Variants in SETD3 observed in about 807,000 individuals in gnomAD.
SETD3 encodes actin-histidine N-methyltransferase.
A neutral mutation model predicts 63.0 loss-of-function variants in SETD3; 19 were observed. The observed-to-expected ratio is 0.30, with a 90% CI of 0.21 to 0.44. SETD3 has a LOEUF of 0.44. Ranked by LOEUF, SETD3 falls within the 20% of genes least tolerant of loss-of-function variation. The probability of loss-of-function intolerance (pLI) is 1.00; values close to 1 mark genes in which losing one functional copy is unlikely to be tolerated. For synonymous variants in SETD3, 286 were observed against 264.1 expected (o/e 1.08, Z -0.80); for missense variants, 587 against 728.5 (o/e 0.81, Z 2.24).
upstream of SETD3, chr14:99,481,367 C>T: frequency 2.5e-6 from 1 of 398,670 alleles, no homozygotes; most frequent in East Asian, 3.6e-5. Flanking sequence ...CCTCCGGTCG[C>T]TTGGTGGCGT....
chr14:99,479,732 G>A (rs1424686795), intron 1 of SETD3, among the ~76,000 whole-genome samples: 5 of 152,178 alleles, frequency 3.3e-5, no homozygotes, highest in Admixed American at 1.3e-4. Flanking sequence ...ACTCTTCGAG[G>A]ATTCTTAAAA....
rs975794259 is a variant in SETD3 at position 99,399,059 on chromosome 14, A to G, written c.1405T>C (p.Leu469=). 8 of 1,614,022 alleles carry G rather than the reference A, an allele frequency of 5.0e-6. No individual in the cohort carries two copies. The African/African-American group carries it at 9.3e-5, about 19-fold the overall frequency. The change falls in exon 13 of 13, where the codon TTA becomes CTA. Residue 469 remains leucine (L), a synonymous_variant. Coordinates refer to ENST00000331768, the MANE Select transcript of SETD3 (RefSeq NM_032233.3). The part of the protein sequence containing the change: ...VRAKMAIKLR[L]GEKEILEKAV... ...TTTTCCAAAATCTCTTTCTCACCTA[A>G]GCGCAATTTGATGGCCATTTTTGCA... is the stretch of plus-strand genomic sequence containing the variant.
At chr14:99,448,257 A>C (rs1894247710) in intron 6 of SETD3, among the ~76,000 whole-genome samples, 1 of 152,150 alleles carries the variant, frequency 6.6e-6, no homozygotes, top group African/African-American at 2.4e-5. Flanking sequence ...TCAAAGCCTG[A>C]GAAGAGAGCC....
intron 6 of SETD3, among the ~76,000 whole-genome samples, chr14:99,443,312 T>C (rs1421192343): frequency 7.1e-6 from 1 of 141,270 alleles, no homozygotes; most frequent in Non-Finnish European, 1.5e-5. Context: ...CCAGCTGGAG[T>C]GCAGTGGCAC....
chr14:99,426,574 G>A (rs1052010071), intron 6 of SETD3, among the ~76,000 whole-genome samples: 2 of 152,166 alleles, frequency 1.3e-5, no homozygotes, highest in Admixed American at 6.5e-5. Flanking sequence ...GCTGGACCTG[G>A]CAAACAGAAG....
At chr14:99,425,272 A>G (rs1892820035) in intron 6 of SETD3, among the ~76,000 whole-genome samples, 1 of 152,216 alleles carries the variant, frequency 6.6e-6, no homozygotes, top group Non-Finnish European at 1.5e-5. Context: ...CAGAGGTTCA[A>G]GGAGGAACTC....
chr14:99,408,489 T>G (rs1257370253), intron 8 of SETD3, among the ~76,000 whole-genome samples: 1 of 151,848 alleles, frequency 6.6e-6, no homozygotes, highest in Admixed American at 6.6e-5. Flanking sequence ...ACTCCCAGGG[T>G]GCTGGCAGTA....
At chr14:99,447,470 T>A (rs1428034784) in intron 6 of SETD3, among the ~76,000 whole-genome samples, 1 of 152,244 alleles carries the variant, frequency 6.6e-6, no homozygotes, top group Non-Finnish European at 1.5e-5. Context: ...GAAAATGAGA[T>A]ATGTGTTTAG....
chr14:99,400,332 T>C, intron 11 of SETD3, 73 bp from the exon 12 acceptor site: 1 of 1,466,402 alleles, frequency 6.8e-7, no homozygotes, highest in Non-Finnish European at 9.3e-7. Context: ...CAATCTACCT[T>C]AGAAAATATT....
At chr14:99,446,850 A>T (rs1595223198) in intron 6 of SETD3, among the ~76,000 whole-genome samples, 1 of 151,630 alleles carries the variant, frequency 6.6e-6, no homozygotes, top group East Asian at 1.9e-4. Flanking sequence ...GGGAACTCAA[A>T]CCCGCCTCAG....
chr14:99,459,561 T>G (rs1035183716), intron 4 of SETD3, among the ~76,000 whole-genome samples: 2 of 152,212 alleles, frequency 1.3e-5, no homozygotes, highest in Non-Finnish European at 2.9e-5. Flanking sequence ...ACAAAATTCC[T>G]GCCTCCAACA....
chr14:99,480,066 C>T (rs1216829027), intron 1 of SETD3, among the ~76,000 whole-genome samples: 1 of 151,798 alleles, frequency 6.6e-6, no homozygotes, highest in African/African-American at 2.4e-5. Context: ...TAGGGCACTG[C>T]GCGTGTGGAG....
In SETD3 at chr14:99,473,201, T is replaced by C. The variant is rs1895796204; in HGVS notation, c.-8-7388A>G. On this transcript the variant is annotated intron_variant, in intron 1 of 12. Coordinates refer to ENST00000331768, the MANE Select transcript of SETD3 (RefSeq NM_032233.3). ...TGTAATCAACCACCACCTCTGCCAA[T>C]CAAGCGATTCTTTTCCATCGAATCT... Among the ~76,000 whole-genome samples the C allele has an allele frequency of 2.0e-5, 3 of 152,328 alleles. No individual in the cohort carries two copies. The Middle Eastern group carries it at 0.01, about 518-fold the overall frequency.
intron 1 of SETD3, among the ~76,000 whole-genome samples, chr14:99,470,549 C>G (rs1020325224): frequency 2.6e-5 from 4 of 152,176 alleles, no homozygotes; most frequent in East Asian, 1.9e-4. Flanking sequence ...TCTGTTCCCC[C>G]CAAAAACAAG....
chr14:99,414,910 C>T (rs974298355), intron 6 of SETD3, among the ~76,000 whole-genome samples: 2 of 152,248 alleles, frequency 1.3e-5, no homozygotes, highest in African/African-American at 2.4e-5. Flanking sequence ...AGTTTTCACT[C>T]GTGACGCATT....
chr14:99,478,510 GAA>G (rs1896088644), intron 1 of SETD3, among the ~76,000 whole-genome samples: 1 of 152,048 alleles, frequency 6.6e-6, no homozygotes, highest in African/African-American at 2.4e-5. Context: ...TTTGTGATAA[GAA>G]AAAAGACTCT....
chr14:99,481,853 A>G (rs977739419), upstream of SETD3, among the ~76,000 whole-genome samples: 1 of 152,262 alleles, frequency 6.6e-6, no homozygotes, highest in Non-Finnish European at 1.5e-5. Context: ...TTCGCGGCGT[A>G]TTAGTCCCAA....
At chr14:99,468,831 G>T (rs1895538146) in intron 1 of SETD3, among the ~76,000 whole-genome samples, 1 of 152,148 alleles carries the variant, frequency 6.6e-6, no homozygotes, top group Admixed American at 6.5e-5. Context: ...ACTAAAAGAC[G>T]TGCTCACATA....
At chr14:99,462,671 G>A (rs1329816947) in intron 3 of SETD3, among the ~76,000 whole-genome samples, 1 of 152,138 alleles carries the variant, frequency 6.6e-6, no homozygotes, top group Admixed American at 6.5e-5. Context: ...CCATTATGAA[G>A]GAACCTGTTT....
Sources: allele counts gnomAD v4.1 joint callset (sites outside exome capture counted in the v4.1 genomes callset), GRCh38; gene constraint gnomAD v4.1.1; transcripts MANE v1.5; gene names NCBI Gene and HGNC (gene_info 2026-07-23, HGNC 2026-07-21).